Variants in SPATA6L observed in about 807,000 individuals in gnomAD.
SPATA6L encodes the protein spermatogenesis associated 6 like, also known as spermatogenesis associated 6-like protein.
SPATA6L carries 68 observed loss-of-function variants against 49.2 expected under a neutral mutation model. That is an observed-to-expected ratio of 1.38 (90% CI 1.14 to 1.69). The LOEUF is 1.69. Among genes scored for constraint, SPATA6L ranks in the 40% most tolerant of loss-of-function variants. The pLI is 0.00. For synonymous variants in SPATA6L, 198 were observed against 165.7 expected, an observed-to-expected ratio of 1.19 and a Z score of -1.50; for missense variants, 668 against 464.3, an observed-to-expected ratio of 1.44 and a Z score of -4.03.
At chr9:4,626,706 C>G (rs1021392235) in intron 5 of SPATA6L, 4 of 522,440 alleles carry the variant, frequency 7.7e-6, no homozygotes, top group South Asian at 2.1e-5. Flanking sequence ...CTGACTGGAC[C>G]CTGGCTGATA....
chr9:4,660,794 G>A (rs888536808), intron 2 of SPATA6L, among the ~76,000 whole-genome samples: 1 of 152,188 alleles, frequency 6.6e-6, no homozygotes, highest in Non-Finnish European at 1.5e-5. Flanking sequence ...ATGTCCATCA[G>A]TGATAGACTG....
At chr9:4,601,746 G>A (rs555947436) in intron 11 of SPATA6L, among the ~76,000 whole-genome samples, 12 of 152,318 alleles carry the variant, frequency 7.9e-5, no homozygotes, top group African/African-American at 2.4e-4. Flanking sequence ...ACTGGGACAC[G>A]TAGTGGGAGC....
At chr9:4,589,018 A>G (rs1175455415) in intron 13 of SPATA6L, 2 of 152,208 alleles carry the variant, frequency 1.3e-5, no homozygotes, top group Non-Finnish European at 2.9e-5. Context: ...AGAAGCTTCT[A>G]TGCAACAGGA....
At chr9:4,660,678 T>G (rs530014527) in intron 2 of SPATA6L, among the ~76,000 whole-genome samples, 5 of 152,270 alleles carry the variant, frequency 3.3e-5, no homozygotes, top group African/African-American at 1.2e-4. Context: ...ATCCCATTAC[T>G]GGGTATATAC....
At chr9:4,656,509 G>T (rs960938423) in intron 2 of SPATA6L, among the ~76,000 whole-genome samples, 1 of 146,674 alleles carries the variant, frequency 6.8e-6, no homozygotes, top group Admixed American at 6.8e-5. Flanking sequence ...AGGAAGGGAG[G>T]AGCCGTAAAT....
intron 3 of SPATA6L, among the ~76,000 whole-genome samples, chr9:4,644,279 C>T (rs559442265): frequency 1.4e-5 from 2 of 145,480 alleles, no homozygotes; most frequent in Non-Finnish European, 3.0e-5. Context: ...GGCAGGAGAA[C>T]TGCTCAAGCC....
At chr9:4,656,877 G>C (rs1457996190) in intron 2 of SPATA6L, among the ~76,000 whole-genome samples, 1 of 152,068 alleles carries the variant, frequency 6.6e-6, no homozygotes, top group Non-Finnish European at 1.5e-5. Flanking sequence ...TGCTAAAAAG[G>C]AACATAAAAA....
intron 4 of SPATA6L, among the ~76,000 whole-genome samples, chr9:4,630,591 C>T (rs1412054806): frequency 6.6e-6 from 1 of 152,210 alleles, no homozygotes; most frequent in Non-Finnish European, 1.5e-5. Context: ...TCTGATCTCA[C>T]TCTAACTCCT....
chr9:4,644,295 G>A (rs919363021), intron 3 of SPATA6L, among the ~76,000 whole-genome samples: 2 of 150,076 alleles, frequency 1.3e-5, no homozygotes, highest in Non-Finnish European at 3.0e-5. Flanking sequence ...AAGCCCAGGA[G>A]GTCATACCAC....
chr9:4,619,319 G>C (rs1828748797), intron 7 of SPATA6L, among the ~76,000 whole-genome samples: 2 of 151,754 alleles, frequency 1.3e-5, no homozygotes, highest in East Asian at 3.9e-4. Context: ...ACCATGCCCG[G>C]CCAATTTTTT....
chr9:4,622,301 G>A, intron 7 of SPATA6L, 107 bp downstream of exon 7: 1 of 705,514 alleles, frequency 1.4e-6, no homozygotes, highest in South Asian at 1.8e-5. Flanking sequence ...TGAGAATTAG[G>A]CTCACAGTTC....
chr9:4,650,824 T>TTGTG lies in SPATA6L; in HGVS notation c.226+5213_226+5216dup, dbSNP rs59184426. Among the ~76,000 whole-genome samples the TTGTG allele has an allele frequency of 4.8e-3, 656 of 137,116 alleles. 5 individuals carry two copies. The highest frequency in any genetic ancestry group is 6.7e-3 in the Non-Finnish European group (425 of 63,636). The allele number at this position is 137,116 out of a possible 152,430, so 90.0% of individuals were successfully genotyped here. On this transcript the variant is annotated intron_variant, in intron 3 of 11. Transcript: ENST00000682582. The stretch of plus-strand genomic sequence containing the variant: ...ACAGGCAAGCACCACCAAACCCAGC[T>TTGTG]TGTGTGTGTGTGTGTGTGTGTGTGT...
chr9:4,643,902 G>A (rs926189827), intron 3 of SPATA6L, among the ~76,000 whole-genome samples: 1 of 152,068 alleles, frequency 6.6e-6, no homozygotes, highest in Non-Finnish European at 1.5e-5. Context: ...AGCTATTCAG[G>A]AGGCTGAGGC....
intron 3 of SPATA6L, among the ~76,000 whole-genome samples, chr9:4,645,316 T>C (rs1196069726): frequency 1.3e-5 from 2 of 152,312 alleles, no homozygotes; most frequent in African/African-American, 4.8e-5. Flanking sequence ...AATGTCTTAG[T>C]CTATTTTCTG....
downstream of SPATA6L, among the ~76,000 whole-genome samples, chr9:4,597,370 G>A (rs911555954): frequency 2.1e-5 from 3 of 140,124 alleles, no homozygotes; most frequent in African/African-American, 7.9e-5. Flanking sequence ...ACACACACAC[G>A]GTGGGGCGTG....
In SPATA6L at chr9:4,601,658, G is replaced by A. The variant is rs78572900; in HGVS notation, c.*2-849C>T. ...GAGATCGCTGGGGAGCCAGGACCTG[G>A]CAGTGAAACAGATATGGAGAAGGGG... is the stretch of plus-strand genomic sequence containing the variant. On this transcript the variant is annotated intron_variant, in intron 11 of 11. Coordinates refer to ENST00000682582, the MANE Select transcript of SPATA6L (RefSeq NM_001353486.2). Among the ~76,000 whole-genome samples, 781 of 152,276 alleles carry A rather than the reference G, an allele frequency of 5.1e-3. 10 individuals carry two copies. The highest frequency in any genetic ancestry group is 0.018 in the African/African-American group (747 of 41,546).
At chr9:4,663,323 A>C (rs540274905) in intron 1 of SPATA6L, 9 of 1,530,984 alleles carry the variant, frequency 5.9e-6, no homozygotes, top group African/African-American at 5.5e-5. Context: ...GATGATGTCA[A>C]CCTAAACCAG....
chr9:4,653,115 A>G (rs1167779624), intron 3 of SPATA6L, among the ~76,000 whole-genome samples: 5 of 152,228 alleles, frequency 3.3e-5, no homozygotes, highest in Non-Finnish European at 5.9e-5. Flanking sequence ...TTTGAAATTT[A>G]TTACAAAGCT....
At position 4,656,082 on chromosome 9, in the gene SPATA6L, T is replaced by A; in HGVS notation, c.185A>T (p.Glu62Val). 4 of 1,612,648 alleles carry A rather than the reference T, an allele frequency of 2.5e-6. No homozygotes were observed. Among genetic ancestry groups the A allele is most frequent in the Non-Finnish European group, 3.4e-6 (4 of 1,179,242 alleles). The change falls in exon 3 of 12, where the codon GAA (glutamate) becomes GTA (valine). Residue 62 changes from glutamate (E) to valine (V), a missense_variant. Coordinates refer to ENST00000682582, the MANE Select transcript of SPATA6L (RefSeq NM_001353486.2). Reference sequence around the variant, plus strand: ...TACAGCTCCAGGATCTACTGCACTTTCAAATACCTGCAGAGAAAAATGGGG... The same window carrying A: ...TACAGCTCCAGGATCTACTGCACTTACAAATACCTGCAGAGAAAAATGGGG... ...QESMRFEKVF[E>V]SAVDPGAVVD... is the part of the protein sequence containing the mutation.
Sources: gnomAD v4.1 joint callset for allele counts (sites outside exome capture counted in the v4.1 genomes callset) on GRCh38, gnomAD v4.1.1 for gene constraint, MANE v1.5 for transcripts, NCBI Gene and HGNC (gene_info 2026-07-23, HGNC 2026-07-21) for gene names.